The following FRMPD2 variants were observed in gnomAD, a reference collection of about 807,000 sequenced individuals.
FRMPD2 encodes FERM and PDZ domain containing 2.
Under a neutral mutation model 140.1 loss-of-function variants are expected in FRMPD2, and 96 were observed. The observed-to-expected ratio is 0.69, with a 90% CI of 0.58 to 0.81. The LOEUF is 0.81. FRMPD2 is among the 40% of genes least tolerant of loss of function. The probability of loss-of-function intolerance (pLI) is 0.00; values close to 1 mark genes in which losing one functional copy is unlikely to be tolerated. For missense variants in FRMPD2, 1,240 were observed against 1,447.4 expected, an observed-to-expected ratio of 0.86 and a Z score of 2.32; for synonymous variants, 449 against 547.6, an observed-to-expected ratio of 0.82 and a Z score of 2.52.
intron 1 of FRMPD2, among the ~76,000 whole-genome samples, chr10:48,265,162 G>A (rs536274111): frequency 6.6e-6 from 1 of 152,186 alleles, no homozygotes; most frequent in Non-Finnish European, 1.5e-5. Context: ...CTAGCCATAT[G>A]CAGAAGATTA....
rs531155201 is a variant in FRMPD2, at chr10:48,174,545, G to C, written c.3075+325C>G. On this transcript the variant is annotated intron_variant, in intron 24 of 28. Transcript: ENST00000374201. ...AGGGCCAGCGGGGCTGGGGCAGCCA[G>C]AGCCAGGCTAGAGCAGTCTCTTCAC... 3.2e-3 allele frequency among the ~76,000 whole-genome samples: 490 copies of C among 151,874 alleles called. 5 individuals are homozygous for C. The highest frequency in any genetic ancestry group is 0.011 in the African/African-American group (464 of 41,434).
In FRMPD2 at chr10:48,241,810, T is replaced by G. The variant is rs576268214; in HGVS notation, c.567+351A>C. 9.2e-5 allele frequency among the ~76,000 whole-genome samples: 14 copies of G among 151,978 alleles called. No individual in the cohort carries two copies. The South Asian group carries it at 2.5e-3, about 27-fold the overall frequency. ...GAAGGCTTCTGTGCAGAACCTAGAGTTGAATTTTGATAAGAAAACTGAATC... is the reference window on the plus strand; with the variant it reads ...GAAGGCTTCTGTGCAGAACCTAGAGGTGAATTTTGATAAGAAAACTGAATC... On this transcript the variant is annotated intron_variant, in intron 5 of 28. Transcript: ENST00000374201.
intron 28 of FRMPD2, chr10:48,159,111 T>C: frequency 4.4e-6 from 2 of 455,724 alleles, no homozygotes; most frequent in East Asian, 1.4e-4. Context: ...TGTCCCTTCA[T>C]GTCTCCAGTT....
chr10:48,249,240 G>T, intron 2 of FRMPD2, 62 bp from the exon 3 acceptor site: 1 of 1,551,606 alleles, frequency 6.4e-7, no homozygotes, highest in Non-Finnish European at 8.8e-7. Flanking sequence ...GCCAGCATGG[G>T]ACTGTGCCCA....
intron 24 of FRMPD2, among the ~76,000 whole-genome samples, chr10:48,174,491 C>T (rs1374630233): frequency 3.9e-5 from 6 of 151,984 alleles, no homozygotes; most frequent in East Asian, 1.9e-4. Context: ...CCTATGCAAA[C>T]GTAGGGAGGT....
intron 20 of FRMPD2, among the ~76,000 whole-genome samples, chr10:48,181,969 G>GTTATTA (rs964794270): frequency 1.3e-5 from 2 of 149,748 alleles, no homozygotes; most frequent in East Asian, 2.0e-4. Flanking sequence ...CTGTTAACAT[G>GTTATTA]TTATTATTAG....
intron 2 of FRMPD2, among the ~76,000 whole-genome samples, chr10:48,250,499 C>T (rs1840350076): frequency 6.6e-6 from 1 of 152,134 alleles, no homozygotes. Flanking sequence ...CTCCCGGGTT[C>T]AAGTGATTCT....
At chr10:48,251,713 G>T in intron 1 of FRMPD2, 22 bp from the exon 2 acceptor site, 1 of 1,613,594 alleles carries the variant, frequency 6.2e-7, no homozygotes, top group South Asian at 1.1e-5. Context: ...ACATGCATGT[G>T]ACAGGGCCTC....
intron 28 of FRMPD2, among the ~76,000 whole-genome samples, chr10:48,159,898 C>G (rs722138): frequency 3.1e-4 from 47 of 151,560 alleles, no homozygotes; most frequent in East Asian, 1.7e-3. Context: ...CTTTCATCCT[C>G]TCAATCTGTC....
chr10:48,198,450 G>A (rs1839002576), intron 15 of FRMPD2, among the ~76,000 whole-genome samples: 1 of 152,140 alleles, frequency 6.6e-6, no homozygotes, highest in African/African-American at 2.4e-5. Context: ...CACCTTTGAA[G>A]TGCCCAATAG....
Position 48,223,260 on chromosome 10 carries a change from G to C in FRMPD2, c.1179C>G (p.Phe393Leu), listed in dbSNP as rs564503106. 1 of 1,612,394 alleles carries C rather than the reference G, an allele frequency of 6.2e-7. No individual in the cohort carries two copies. The highest frequency in any genetic ancestry group is 2.2e-5 in the East Asian group (1 of 44,848). Reference protein sequence around the residue: ...FGLAYMKSKEFFFLDSETRLC... With the variant: ...FGLAYMKSKELFFLDSETRLC... ...ATCTGGTTTCACTGTCCAGGAAAAA[G>C]AACTCTTTGCCTGAAATGGAAATAG... is the stretch of plus-strand genomic sequence containing the variant. Residue 393 changes from phenylalanine to leucine, a missense_variant, in exon 11 of 29, where the codon TTC becomes TTG. This residue lies in a region of FRMPD2 where 1,161 missense variants were observed against 1,055.9 expected (regional missense o/e 1.10). Transcript: ENST00000374201.
intron 1 of FRMPD2, among the ~76,000 whole-genome samples, chr10:48,271,829 G>C (rs1840772885): frequency 6.6e-6 from 1 of 152,232 alleles, no homozygotes; most frequent in Non-Finnish European, 1.5e-5. Flanking sequence ...AGGCTCCGAG[G>C]TCAGAGCTGG....
intron 14 of FRMPD2, among the ~76,000 whole-genome samples, chr10:48,205,580 T>G (rs1588828650): frequency 1.3e-5 from 2 of 152,310 alleles, no homozygotes; most frequent in African/African-American, 4.8e-5. Flanking sequence ...TTAAACAAAG[T>G]TCTTCATATA....
At chr10:48,225,828 G>A (rs1839709401) in intron 10 of FRMPD2, among the ~76,000 whole-genome samples, 1 of 152,124 alleles carries the variant, frequency 6.6e-6, no homozygotes, top group South Asian at 2.1e-4. Context: ...TCTTTCTGCT[G>A]GTGCTAAGTT....
intron 10 of FRMPD2, among the ~76,000 whole-genome samples, chr10:48,227,400 C>A (rs781500285): frequency 2.0e-5 from 3 of 152,166 alleles, no homozygotes; most frequent in Admixed American, 2.0e-4. Flanking sequence ...CATCAGATGG[C>A]GAGCCAGCTG....
In FRMPD2 at chr10:48,263,049, C is replaced by T. The variant is rs77986762; in HGVS notation, c.26-11358G>A. Among the ~76,000 whole-genome samples the T allele has an allele frequency of 6.2e-4, 94 of 152,168 alleles. 1 individual carries two copies. In the East Asian group the frequency reaches 0.016, roughly 26 times the overall value. On this transcript the variant is annotated intron_variant, in intron 1 of 28. Transcript: ENST00000374201. ...CCTCAACTATTTGGAGATTAAACAA[C>T]ACACTTCTAAACAGCAAATGGGTCA...
At chr10:48,273,885 TA>T (rs111236938) in intron 1 of FRMPD2, among the ~76,000 whole-genome samples, 10,314 of 145,420 alleles carry the variant, frequency 0.071, 714 homozygotes, top group East Asian at 0.23. Context: ...ATTGTTGCTT[TA>T]AAAAAAAAAA....
intron 16 of FRMPD2, among the ~76,000 whole-genome samples, chr10:48,188,276 G>A (rs1431333245): frequency 3.9e-5 from 6 of 152,192 alleles, no homozygotes; most frequent in Non-Finnish European, 8.8e-5. Context: ...TGTGACACCA[G>A]GGCTCTCTCT....
At chr10:48,255,484 A>G (rs545491726) in intron 1 of FRMPD2, among the ~76,000 whole-genome samples, 26 of 152,174 alleles carry the variant, frequency 1.7e-4, no homozygotes, top group Non-Finnish European at 3.4e-4. Context: ...TCCCTCAGCC[A>G]TTACCACATT....
Sources: allele counts gnomAD v4.1 joint callset (sites outside exome capture counted in the v4.1 genomes callset), GRCh38; gene constraint gnomAD v4.1.1; regional missense constraint gnomAD v4.1.1; transcripts MANE v1.5; gene names NCBI Gene and HGNC (gene_info 2026-07-23, HGNC 2026-07-21).